The following GRID2IP variants were observed in gnomAD, a reference collection of about 807,000 sequenced individuals.
GRID2IP encodes delphilin.
In GRID2IP, 78 loss-of-function variants were observed where a neutral mutation model predicts 114.3. That is an observed-to-expected ratio of 0.68 (90% CI 0.57 to 0.82). The LOEUF is 0.82. GRID2IP is among the 40% of genes least tolerant of loss of function. The pLI, the probability that GRID2IP is intolerant of heterozygous loss-of-function variation, is 0.00. For missense variants in GRID2IP, 1,727 were observed against 1,678.5 expected (o/e 1.03, Z -0.51); for synonymous variants, 809 against 724.0 (o/e 1.12, Z -1.89).
intron 1 of GRID2IP, among the ~76,000 whole-genome samples, chr7:6,541,382 T>A (rs1019267331): frequency 5.3e-5 from 8 of 152,128 alleles, no homozygotes; most frequent in African/African-American, 1.4e-4. Flanking sequence ...AATACTACAC[T>A]CCCTTCCATA....
At chr7:6,535,992 C>T (rs928948531) in intron 2 of GRID2IP, among the ~76,000 whole-genome samples, 2 of 152,172 alleles carry the variant, frequency 1.3e-5, no homozygotes. Flanking sequence ...GCCCTGGTTG[C>T]TCTGTGCTGA....
At chr7:6,529,590 C>T (rs1274878997) in intron 2 of GRID2IP, among the ~76,000 whole-genome samples, 1 of 152,228 alleles carries the variant, frequency 6.6e-6, no homozygotes, top group African/African-American at 2.4e-5. Flanking sequence ...GTGAGCCAGA[C>T]ATCCAACCTG....
chr7:6,527,350 GC>G (rs1424431023), intron 2 of GRID2IP, among the ~76,000 whole-genome samples: 1 of 152,166 alleles, frequency 6.6e-6, no homozygotes. Flanking sequence ...CCAGGCTCTT[GC>G]CCAGGTCCAC....
chr7:6,544,806 G>A (rs1391521978), intron 1 of GRID2IP, among the ~76,000 whole-genome samples: 1 of 152,002 alleles, frequency 6.6e-6, no homozygotes, highest in Non-Finnish European at 1.5e-5. Flanking sequence ...AGACAGCCGG[G>A]CGCGGTGGCT....
Position 6,504,862 on chromosome 7 carries a change from G to A in GRID2IP, c.2641C>T (p.Pro881Ser), listed in dbSNP as rs1397683780. ...FGTQKPAKPV[P>S]GPEPFRKKEV... ...TTCTTCCGGAAGGGCTCCGGCCCCG[G>A]CACCGGTTCTGGAAAAGAAACTGAC... The change falls in exon 15 of 22, where the codon CCG becomes TCG. Residue 881 changes from proline to serine, a missense_variant. Coordinates refer to ENST00000457091, the MANE Select transcript of GRID2IP (RefSeq NM_001145118.2). 3 of 1,551,176 alleles carry A rather than the reference G, an allele frequency of 1.9e-6. No individual in the cohort carries two copies. Among genetic ancestry groups the A allele is most frequent in the Non-Finnish European group, 2.6e-6 (3 of 1,146,834 alleles).
At chr7:6,548,740 G>T (rs1199128705) in intron 1 of GRID2IP, among the ~76,000 whole-genome samples, 1 of 151,882 alleles carries the variant, frequency 6.6e-6, no homozygotes, top group Non-Finnish European at 1.5e-5. Context: ...TACGCGGGAG[G>T]CTGAGGCAGG....
intron 15 of GRID2IP, 107 bp downstream of exon 15, chr7:6,504,686 C>T: frequency 2.4e-6 from 2 of 847,952 alleles, no homozygotes; most frequent in Non-Finnish European, 3.7e-6. Flanking sequence ...CGACAGGAGG[C>T]CGGGTCCCCA....
chr7:6,503,962 G>T (rs1167158929), intron 15 of GRID2IP, among the ~76,000 whole-genome samples: 1 of 151,632 alleles, frequency 6.6e-6, no homozygotes, highest in East Asian at 1.9e-4. Context: ...CGGTGAGCAG[G>T]GGCCGGGAGA....
chr7:6,502,946 A>T, intron 17 of GRID2IP, 62 bp downstream of exon 17: 1 of 1,544,852 alleles, frequency 6.5e-7, no homozygotes, highest in Non-Finnish European at 8.8e-7. Flanking sequence ...ATGGGCCTCC[A>T]GGCTGGAAGC....
chr7:6,503,887 G>C (rs1275627150), intron 15 of GRID2IP, among the ~76,000 whole-genome samples, 200 bp from the exon 16 acceptor site: 9 of 151,540 alleles, frequency 5.9e-5, no homozygotes, highest in Admixed American at 5.9e-4. Context: ...CGAATGGGGA[G>C]AGGACGGCGC....
intron 7 of GRID2IP, 58 bp from the exon 8 acceptor site, chr7:6,514,587 G>GGT: frequency 1.4e-6 from 2 of 1,401,764 alleles, no homozygotes; most frequent in Non-Finnish European, 1.9e-6. Context: ...ATGATGCACA[G>GGT]AGTGGGGGTA....
rs1182787488 is a variant in GRID2IP, at chr7:6,521,642, C to T, written c.990-119G>A. 2 of 730,830 alleles carry T rather than the reference C, an allele frequency of 2.7e-6. No homozygotes were observed. The highest frequency in any genetic ancestry group is 5.4e-5 in the East Asian group (2 of 36,784). 45.3% of individuals were successfully genotyped at this position (730,830 alleles called of 1,614,324 possible). ...ACAGCAAGACCACCTCTGTGTGACT[C>T]TGTGTCCCCAGCATGGAGCTGGAGT... is the stretch of plus-strand genomic sequence containing the variant. On this transcript the variant is annotated intron_variant, in intron 5 of 21. Coordinates refer to ENST00000457091, the MANE Select transcript of GRID2IP (RefSeq NM_001145118.2). The surrounding 1 kb of genome is among the most constrained non-coding windows in gnomAD (Gnocchi z 4.1).
intron 2 of GRID2IP, among the ~76,000 whole-genome samples, chr7:6,538,934 G>A (rs1242196916): frequency 6.6e-6 from 1 of 152,056 alleles, no homozygotes; most frequent in Admixed American, 6.6e-5. Flanking sequence ...GGAAAGAAAG[G>A]AAATCAAAGG....
chr7:6,514,157 G>T (rs1779244271), intron 8 of GRID2IP, among the ~76,000 whole-genome samples: 1 of 152,114 alleles, frequency 6.6e-6, no homozygotes, highest in South Asian at 2.1e-4. Context: ...GGAGGCTGAC[G>T]CAGGAGAATC....
chr7:6,501,112 A>T (rs1786401050), intron 20 of GRID2IP, among the ~76,000 whole-genome samples: 1 of 152,210 alleles, frequency 6.6e-6, no homozygotes, highest in Non-Finnish European at 1.5e-5. Context: ...GCACTTTGAG[A>T]GGCAGAGGCA....
chr7:6,535,939 AGCCACAGCACC>A (rs962397262), intron 2 of GRID2IP, among the ~76,000 whole-genome samples: 5 of 152,058 alleles, frequency 3.3e-5, no homozygotes, highest in African/African-American at 1.2e-4. Context: ...CCAGTCACTA[AGCCACAGCACC>A]GCCACCTCCT....
rs568777803 is a variant in GRID2IP at position 6,519,548 on chromosome 7, G to A, written c.1268+1030C>T. On this transcript the variant is annotated intron_variant, in intron 7 of 21. Coordinates refer to ENST00000457091, the MANE Select transcript of GRID2IP (RefSeq NM_001145118.2). The surrounding 1 kb of genome is among the most constrained non-coding windows in gnomAD (Gnocchi z 4.1). ...TGAAGCAGGTGGATCACCTGAGGTC[G>A]GGAGTTTGAGACCAGCCTGACCAAC... 4.6e-5 allele frequency among the ~76,000 whole-genome samples: 7 copies of A among 151,934 alleles called. No homozygotes were observed. Among genetic ancestry groups the A allele is most frequent in the African/African-American group, 1.4e-4 (6 of 41,482 alleles).
intron 7 of GRID2IP, among the ~76,000 whole-genome samples, chr7:6,517,182 G>A (rs1406938046): frequency 4.6e-5 from 7 of 151,716 alleles, no homozygotes; most frequent in Non-Finnish European, 8.8e-5. Flanking sequence ...AGCCTCCCGA[G>A]TAGCTGGGAC....
intron 20 of GRID2IP, 150 bp downstream of exon 20, chr7:6,501,631 G>A (rs1583331252): frequency 1.5e-6 from 1 of 666,310 alleles, no homozygotes; most frequent in Non-Finnish European, 2.7e-6. Flanking sequence ...CCAGGATAGA[G>A]CCTCTTCCAG....
Sources: gnomAD v4.1 joint callset for allele counts (sites outside exome capture counted in the v4.1 genomes callset) on GRCh38, gnomAD v4.1.1 for gene constraint, Gnocchi (gnomAD v3.1) non-coding constraint, MANE v1.5 for transcripts, NCBI Gene and HGNC (gene_info 2026-07-23, HGNC 2026-07-21) for gene names.